The following ZNF521 variants were observed in gnomAD, a reference collection of about 807,000 sequenced individuals.
The protein encoded by ZNF521 is LYST-interacting protein 3.
ZNF521 carries 14 observed loss-of-function variants against 105.5 expected under a neutral mutation model. That is an observed-to-expected ratio of 0.13 (90% CI 0.09 to 0.21). ZNF521 has a LOEUF of 0.21. Among genes scored for constraint, ZNF521 ranks in the 10% least tolerant of loss-of-function variants. The pLI, the probability that ZNF521 is intolerant of heterozygous loss-of-function variation, is 1.00. For synonymous variants in ZNF521, 635 were observed against 606.0 expected, an observed-to-expected ratio of 1.05 and a Z score of -0.70; for missense variants, 1,233 against 1,629.7, an observed-to-expected ratio of 0.76 and a Z score of 4.19.
At chr18:25,099,664 T>G (rs538431348) in intron 5 of ZNF521, among the ~76,000 whole-genome samples, 2 of 152,320 alleles carry the variant, frequency 1.3e-5, no homozygotes, top group South Asian at 2.1e-4. Context: ...TATTCTCATG[T>G]TACAAAGCTC....
chr18:25,116,619 A>C (rs111451655), intron 5 of ZNF521, among the ~76,000 whole-genome samples: 291 of 152,150 alleles, frequency 1.9e-3, no homozygotes, highest in African/African-American at 6.7e-3. Context: ...AAAGACAAAC[A>C]ATCATCAACC....
intron 4 of ZNF521, among the ~76,000 whole-genome samples, chr18:25,197,512 C>A (rs1349364412): frequency 6.6e-6 from 1 of 151,688 alleles, no homozygotes; most frequent in African/African-American, 2.4e-5. Flanking sequence ...AGATTATTCG[C>A]AAAATATTTG....
At chr18:25,117,072 C>CATATAT (rs1567968887) in intron 5 of ZNF521, among the ~76,000 whole-genome samples, 17 of 15,806 alleles carry the variant, frequency 1.1e-3, no homozygotes, top group Admixed American at 2.1e-3. Flanking sequence ...CACACACACA[C>CATATAT]ACACACACAC....
At chr18:25,186,185 T>G (rs1023398100) in intron 5 of ZNF521, among the ~76,000 whole-genome samples, 1 of 152,218 alleles carries the variant, frequency 6.6e-6, no homozygotes, top group African/African-American at 2.4e-5. Context: ...CAAGGATCAC[T>G]GAGTATGTCA....
At chr18:25,113,756 G>GGACA (rs2034243904) in intron 5 of ZNF521, among the ~76,000 whole-genome samples, 1 of 30,790 alleles carries the variant, frequency 3.2e-5, no homozygotes, top group Non-Finnish European at 6.3e-5. Flanking sequence ...ACCGAAGGAC[G>GGACA]GACGGACACA....
rs552607569 is a variant in ZNF521 at position 25,182,314 on chromosome 18, G to C, written c.3658+12846C>G. 1.5e-4 allele frequency among the ~76,000 whole-genome samples: 23 copies of C among 152,254 alleles called. No homozygotes were observed. The East Asian group carries it at 4.4e-3, about 29-fold the overall frequency. On this transcript the variant is annotated intron_variant, in intron 5 of 7. Transcript: ENST00000361524. The stretch of plus-strand genomic sequence containing the variant: ...AATGAGTTTTTGGGTTACAAATGCT[G>C]AACGCATTAATATTCCTTGATGATA...
At chr18:25,170,206 C>T (rs2035422558) in intron 5 of ZNF521, among the ~76,000 whole-genome samples, 1 of 152,002 alleles carries the variant, frequency 6.6e-6, no homozygotes, top group African/African-American at 2.4e-5. Context: ...CAAAACCAAC[C>T]TTCTGGTTCC....
chr18:25,158,366 AC>A (rs1290986695), intron 5 of ZNF521, among the ~76,000 whole-genome samples: 1 of 152,008 alleles, frequency 6.6e-6, no homozygotes, highest in Non-Finnish European at 1.5e-5. Flanking sequence ...ACAATGTACC[AC>A]CTCTTACAGT....
At chr18:25,218,482 T>TG (rs1905479370) in intron 4 of ZNF521, among the ~76,000 whole-genome samples, 1 of 79,844 alleles carries the variant, frequency 1.3e-5, no homozygotes. Context: ...TCGAGCCTAC[T>TG]AAAAAAAAAA....
In ZNF521 at chr18:25,080,523, T is replaced by C. The variant is rs7237023; in HGVS notation, c.3906+8942A>G. Among the ~76,000 whole-genome samples the C allele has an allele frequency of 2.3e-3, 350 of 152,324 alleles. 3 individuals are homozygous for C. The highest frequency in any genetic ancestry group is 8.1e-3 in the African/African-American group (335 of 41,564). ...TGTGAATTCCTCTTAAAATACACGT[T>C]TGGCTCTGAAGCTGCCCGGCCTTAG... is the stretch of plus-strand genomic sequence containing the variant. On this transcript the variant is annotated intron_variant, in intron 7 of 7. Coordinates refer to ENST00000361524, the MANE Select transcript of ZNF521 (RefSeq NM_015461.3).
At chr18:25,145,054 C>T (rs1474894946) in intron 5 of ZNF521, among the ~76,000 whole-genome samples, 1 of 152,134 alleles carries the variant, frequency 6.6e-6, no homozygotes, top group Admixed American at 6.6e-5. Flanking sequence ...CCTCCAAGAT[C>T]GCACCCTTTC....
chr18:25,322,553 ACCC>A (rs71375177), intron 2 of ZNF521, among the ~76,000 whole-genome samples: 11,382 of 121,878 alleles, frequency 0.093, 593 homozygotes, highest in Middle Eastern at 0.17. Flanking sequence ...AAAAAAAAAA[ACCC>A]CCCCACTGTG....
At chr18:25,208,594 TCTTA>T (rs2036123467) in intron 4 of ZNF521, among the ~76,000 whole-genome samples, 1 of 151,700 alleles carries the variant, frequency 6.6e-6, no homozygotes, top group South Asian at 2.1e-4. Context: ...CTGTTCCTCC[TCTTA>T]CTTTCTCTTT....
intron 3 of ZNF521, among the ~76,000 whole-genome samples, chr18:25,307,126 C>T (rs764326415): frequency 7.2e-5 from 11 of 152,062 alleles, no homozygotes; most frequent in Non-Finnish European, 1.6e-4. Flanking sequence ...TGAATTTGGC[C>T]ACCCTCTCTA....
intron 2 of ZNF521, among the ~76,000 whole-genome samples, chr18:25,337,101 A>T (rs1486442603): frequency 6.6e-6 from 1 of 152,156 alleles, no homozygotes; most frequent in African/African-American, 2.4e-5. Flanking sequence ...TACTTCCCCC[A>T]TTTAATAAAT....
chr18:25,312,954 T>C (rs929138163), intron 3 of ZNF521, among the ~76,000 whole-genome samples: 1 of 152,058 alleles, frequency 6.6e-6, no homozygotes, highest in African/African-American at 2.4e-5. Context: ...CCACTTTCTC[T>C]AAAACTGAGA....
intron 5 of ZNF521, among the ~76,000 whole-genome samples, chr18:25,170,436 G>A (rs1361254787): frequency 6.6e-6 from 1 of 152,090 alleles, no homozygotes; most frequent in Non-Finnish European, 1.5e-5. Context: ...CTTCCGTAGA[G>A]CCAGACTGCA....
chr18:25,214,345 T>C (rs2036244175), intron 4 of ZNF521, among the ~76,000 whole-genome samples: 1 of 152,114 alleles, frequency 6.6e-6, no homozygotes, highest in South Asian at 2.1e-4. Flanking sequence ...ATTAATATTA[T>C]TTATCTCTGG....
intron 5 of ZNF521, among the ~76,000 whole-genome samples, chr18:25,123,306 TG>T (rs2034480310): frequency 6.6e-6 from 1 of 151,950 alleles, no homozygotes; most frequent in Non-Finnish European, 1.5e-5. Context: ...ATGGCATTAC[TG>T]GGGACTAAAT....
Sources: allele counts gnomAD v4.1 joint callset (sites outside exome capture counted in the v4.1 genomes callset), GRCh38; gene constraint gnomAD v4.1.1; transcripts MANE v1.5; gene names NCBI Gene and HGNC (gene_info 2026-07-23, HGNC 2026-07-21).